Variants in LYZL2 observed in about 807,000 individuals in gnomAD.
LYZL2 encodes lysozyme-like protein 2.
In LYZL2, 13 loss-of-function variants were observed where a neutral mutation model predicts 17.1. The ratio of observed to expected loss-of-function variants is 0.76; its 90% CI spans 0.49 to 1.21. LYZL2 has a LOEUF of 1.21. LYZL2 is among the 50% of genes most tolerant of loss of function. The probability of loss-of-function intolerance (pLI) is 0.00; values close to 1 mark genes in which losing one functional copy is unlikely to be tolerated. For synonymous variants in LYZL2, 63 were observed against 74.4 expected (o/e 0.85, Z 0.79); for missense variants, 166 against 189.2 (o/e 0.88, Z 0.72).
At chr10:30,611,441 G>A (rs535868129), downstream of LYZL2, among the ~76,000 whole-genome samples, 27 of 149,014 alleles carry the variant, frequency 1.8e-4, no homozygotes, top group Admixed American at 4.0e-4. Context: ...GGAGGTTGCA[G>A]TGGGCTGAAA....
At chr10:30,620,460 A>G (rs1481790991) in intron 3 of LYZL2, among the ~76,000 whole-genome samples, 2 of 152,154 alleles carry the variant, frequency 1.3e-5, no homozygotes, top group Admixed American at 6.5e-5. Flanking sequence ...TAACTTTCAA[A>G]ATAGTCTTTT....
At position 30,629,725 on chromosome 10, in the gene LYZL2, T is replaced by G. The variant is rs896151880; in HGVS notation, c.-158A>C. 1.0e-5 allele frequency: 16 copies of G among 1,601,206 alleles called. No individual in the cohort carries two copies. The highest frequency in any genetic ancestry group is 1.3e-5 in the Non-Finnish European group (15 of 1,171,466). ...CTGCATCCCCTGAAGCCATGTCTGA[T>G]TCTAACAAGGCTCGAGTAATCCTTT... is the stretch of plus-strand genomic sequence containing the variant. On this transcript the variant is annotated 5_prime_UTR_variant, in exon 1 of 5. Coordinates refer to ENST00000647634, the MANE Select transcript of LYZL2 (RefSeq NM_183058.3).
chr10:30,621,553 A>G (rs1283872360), intron 3 of LYZL2, among the ~76,000 whole-genome samples: 1 of 152,120 alleles, frequency 6.6e-6, no homozygotes, highest in African/African-American at 2.4e-5. Flanking sequence ...CACTACACTC[A>G]CAGTGTTGTT....
intron 2 of LYZL2, 40 bp downstream of exon 2, chr10:30,626,737 G>A: frequency 6.2e-7 from 1 of 1,612,670 alleles, no homozygotes; most frequent in Non-Finnish European, 8.5e-7. Context: ...TCAGGGGAAA[G>A]GTCAAGGACA....
At chr10:30,625,159 A>G (rs113638571) in intron 3 of LYZL2, among the ~76,000 whole-genome samples, 113 of 152,324 alleles carry the variant, frequency 7.4e-4, no homozygotes, top group African/African-American at 2.5e-3. Context: ...AGCCCTGTGA[A>G]TCCGCTGGCA....
chr10:30,617,300 T>C (rs1336344361), intron 3 of LYZL2, among the ~76,000 whole-genome samples: 1 of 152,184 alleles, frequency 6.6e-6, no homozygotes, highest in East Asian at 1.9e-4. Flanking sequence ...AAGTTGTTTG[T>C]CCCCTCCTAT....
rs1564410284 is a variant in LYZL2, at chr10:30,626,165, A to G, written c.238T>C (p.Phe80Leu). The change falls in exon 3 of 5, where the codon TTC (phenylalanine) becomes CTC (leucine). Residue 80 changes from phenylalanine (F) to leucine (L), a missense_variant. Phe to Leu is a conservative substitution (Grantham distance 22). Coordinates refer to ENST00000647634, the MANE Select transcript of LYZL2 (RefSeq NM_183058.3). ...AGCTTTCCGCGTCTGCACCACGCGAAGCTGTTGATCTGGAAGATGCCGTAG... is the reference window on the plus strand; with the variant it reads ...AGCTTTCCGCGTCTGCACCACGCGAGGCTGTTGATCTGGAAGATGCCGTAG... ...IDYGIFQINS[F>L]AWCRRGKLKE... 6.2e-7 allele frequency: 1 copy of G among 1,614,140 alleles called. No homozygotes were observed. Among genetic ancestry groups the G allele is most frequent in the Admixed American group, 1.7e-5 (1 of 60,028 alleles).
chr10:30,627,297 A>G (rs1476747921), intron 1 of LYZL2, among the ~76,000 whole-genome samples: 1 of 152,016 alleles, frequency 6.6e-6, no homozygotes, highest in Non-Finnish European at 1.5e-5. Context: ...CATTCCCTAT[A>G]CTGCTGACCC....
downstream of LYZL2, among the ~76,000 whole-genome samples, chr10:30,611,300 T>C (rs558896302): frequency 2.4e-4 from 36 of 151,720 alleles, no homozygotes; most frequent in South Asian, 7.3e-3. Context: ...GGTGGGCAGA[T>C]CACCTTGAGC....
At chr10:30,627,633 G>A (rs773704804) in intron 1 of LYZL2, among the ~76,000 whole-genome samples, 11 of 152,038 alleles carry the variant, frequency 7.2e-5, no homozygotes, top group East Asian at 1.9e-4. Context: ...GACATAGAAC[G>A]TACAAAATAT....
rs377148056 is a variant in LYZL2 at position 30,611,875 on chromosome 10, G to A, written c.*80C>T. The A allele has an allele frequency of 1.5e-4, 234 of 1,608,142 alleles. 4 individuals carry two copies. The East Asian group carries it at 2.6e-3, about 18-fold the overall frequency. On this transcript the variant is annotated 3_prime_UTR_variant, in exon 5 of 5. Transcript: ENST00000647634. ...TGAGAAGGAATATTGGGAGGAAACG[G>A]GACAAGATGACACAGGCATTTGGAC...
At chr10:30,607,866 G>T (rs913900896), downstream of LYZL2, among the ~76,000 whole-genome samples, 2 of 152,112 alleles carry the variant, frequency 1.3e-5, no homozygotes, top group Non-Finnish European at 2.9e-5. Context: ...TCAAGCAGTC[G>T]GACCCTTCAA....
intron 3 of LYZL2, among the ~76,000 whole-genome samples, chr10:30,625,743 TAC>T (rs1313775183): frequency 1.3e-5 from 2 of 152,170 alleles, no homozygotes; most frequent in African/African-American, 4.8e-5. Flanking sequence ...CTCAAAGAAG[TAC>T]AAACTGCATC....
Position 30,629,645 on chromosome 10 carries a change from C to G in LYZL2, c.-78G>C. ...GCAGAGGCTGACTTCTCAGTTGAGT[C>G]TGCGGAAGAAACACTGCTCCACTTA... On this transcript the variant is annotated 5_prime_UTR_variant, in exon 1 of 5. Transcript: ENST00000647634. The G allele has an allele frequency of 6.2e-7, 1 of 1,614,236 alleles. No individual in the cohort carries two copies. Among genetic ancestry groups the G allele is most frequent in the Non-Finnish European group, 8.5e-7 (1 of 1,180,026 alleles).
chr10:30,622,332 G>A (rs957531735), intron 3 of LYZL2, among the ~76,000 whole-genome samples: 2 of 152,146 alleles, frequency 1.3e-5, no homozygotes, highest in Admixed American at 6.5e-5. Flanking sequence ...AGATCACAAG[G>A]TCAGGAGATC....
At chr10:30,628,758 G>A (rs528179258) in intron 1 of LYZL2, among the ~76,000 whole-genome samples, 21 of 152,296 alleles carry the variant, frequency 1.4e-4, no homozygotes, top group East Asian at 1.3e-3. Flanking sequence ...CAAGGCCACC[G>A]CACCGAGTAA....
downstream of LYZL2, among the ~76,000 whole-genome samples, chr10:30,607,311 C>G (rs182772669): frequency 1.5e-3 from 231 of 151,962 alleles, 1 homozygote; most frequent in Non-Finnish European, 2.8e-3. Context: ...GTGAGTAAAA[C>G]AATGCCTCCA....
intron 3 of LYZL2, among the ~76,000 whole-genome samples, chr10:30,615,503 A>G (rs1260210053): frequency 6.6e-6 from 1 of 152,094 alleles, no homozygotes; most frequent in Admixed American, 6.6e-5. Context: ...ATTTGCTGAT[A>G]GTGGATCTTA....
rs1838697991 is a variant in LYZL2 at position 30,626,122 on chromosome 10, CA to C, written c.280del (p.Cys94AlafsTer30). On this transcript the variant is annotated frameshift_variant, in exon 3 of 5. Coordinates refer to ENST00000647634, the MANE Select transcript of LYZL2 (RefSeq NM_183058.3). LOFTEE classifies it high-confidence loss of function. ...AGCCTCACCTGAGCAGGCGACGTGG[CA>C]GTGGTTGTTCTCCTTCAGCTTTCCG... ...RRGKLKENNH[C>X]HVACSALVTD... The C allele has an allele frequency of 1.2e-6, 2 of 1,614,174 alleles. No homozygotes were observed. The highest frequency in any genetic ancestry group is 1.7e-6 in the Non-Finnish European group (2 of 1,180,016).
Sources: allele counts gnomAD v4.1 joint callset (sites outside exome capture counted in the v4.1 genomes callset), GRCh38; gene constraint gnomAD v4.1.1; transcripts MANE v1.5; gene names NCBI Gene and HGNC (gene_info 2026-07-23, HGNC 2026-07-21).